The following LDHAL6A variants were observed in gnomAD, a reference collection of about 807,000 sequenced individuals.
LDHAL6A encodes lactate dehydrogenase A like 6A.
In LDHAL6A, 19 loss-of-function variants were observed where a neutral mutation model predicts 28.2. The observed-to-expected ratio is 0.67, with a 90% CI of 0.47 to 0.99. LDHAL6A has a LOEUF of 0.99. Ranked by LOEUF, LDHAL6A falls within the 50% of genes least tolerant of loss-of-function variation. LDHAL6A has a pLI of 0.00. For synonymous variants in LDHAL6A, 144 were observed against 134.4 expected (o/e 1.07, Z -0.49); for missense variants, 372 against 398.6 (o/e 0.93, Z 0.57).
intron 1 of LDHAL6A, among the ~76,000 whole-genome samples, chr11:18,457,594 C>T (rs1848790886): frequency 1.3e-5 from 2 of 152,166 alleles, no homozygotes; most frequent in Admixed American, 1.3e-4. Flanking sequence ...GCTGCTCCTG[C>T]CAGCCATACA....
chr11:18,467,956 CGT>C (rs1491306742), intron 3 of LDHAL6A, among the ~76,000 whole-genome samples: 665 of 18,994 alleles, frequency 0.035, 48 homozygotes, highest in East Asian at 0.2. Flanking sequence ...TATATATATA[CGT>C]ATATATATAC....
intron 1 of LDHAL6A, among the ~76,000 whole-genome samples, chr11:18,458,601 C>T (rs181139371): frequency 6.6e-6 from 1 of 152,290 alleles, no homozygotes; most frequent in African/African-American, 2.4e-5. Flanking sequence ...CAACTTCTGT[C>T]ATTCAAGGAG....
At chr11:18,467,977 AT>A (rs1849142102) in intron 3 of LDHAL6A, among the ~76,000 whole-genome samples, 1 of 44,114 alleles carries the variant, frequency 2.3e-5, no homozygotes. Flanking sequence ...ACGTATATAT[AT>A]ACGTATATAT....
intron 1 of LDHAL6A, among the ~76,000 whole-genome samples, chr11:18,457,465 A>G (rs928772161): frequency 6.6e-5 from 10 of 151,908 alleles, no homozygotes; most frequent in Non-Finnish European, 1.5e-4. Flanking sequence ...TGTTTTAGCC[A>G]TCTTTTATAT....
At chr11:18,464,264 C>CG (rs1554966959) in intron 2 of LDHAL6A, among the ~76,000 whole-genome samples, 186 bp downstream of exon 2, 1 of 152,156 alleles carries the variant, frequency 6.6e-6, no homozygotes. Context: ...CGGCACCAGA[C>CG]TGAGTTCCTT....
In LDHAL6A at chr11:18,475,583, G is replaced by T; in HGVS notation, c.536G>T (p.Gly179Val). The T allele has an allele frequency of 6.2e-7, 1 of 1,614,156 alleles. No individual in the cohort carries two copies. Among genetic ancestry groups the T allele is most frequent in the Non-Finnish European group, 8.5e-7 (1 of 1,180,032 alleles). ...CGTTACTTTATTGGGCAAAGGCTTG[G>T]CATCCACTCTGAAAGCTGTCATGGG... ...RFRYFIGQRL[G>V]IHSESCHGLI... The change falls in exon 4 of 7, where the codon GGC becomes GTC. Residue 179 changes from glycine (G) to valine (V), a missense_variant. Gly to Val is a moderately radical substitution (Grantham distance 109, BLOSUM62 -3). Transcript: ENST00000280706.
chr11:18,462,360 G>A (rs534504851), intron 1 of LDHAL6A, among the ~76,000 whole-genome samples: 5 of 152,072 alleles, frequency 3.3e-5, no homozygotes, highest in South Asian at 4.2e-4. Context: ...AAAATTGGCC[G>A]GGTGCGGTGT....
intron 1 of LDHAL6A, among the ~76,000 whole-genome samples, chr11:18,462,593 C>T (rs1479098198): frequency 8.2e-5 from 12 of 146,530 alleles, no homozygotes; most frequent in East Asian, 3.9e-4. Context: ...GCCGAGATCA[C>T]GCCACTGCAC....
intron 3 of LDHAL6A, among the ~76,000 whole-genome samples, chr11:18,474,593 G>A (rs1849327462): frequency 6.6e-6 from 1 of 151,870 alleles, no homozygotes; most frequent in African/African-American, 2.4e-5. Context: ...CAGCATGTTG[G>A]CCAGGATGGT....
At chr11:18,463,348 C>CCAAA (rs1848974428) in intron 1 of LDHAL6A, among the ~76,000 whole-genome samples, 1 of 152,148 alleles carries the variant, frequency 6.6e-6, no homozygotes, top group Admixed American at 6.6e-5. Context: ...CCTGTGCTGC[C>CCAAA]TTGGGACTCT....
intron 1 of LDHAL6A, among the ~76,000 whole-genome samples, chr11:18,462,788 G>A (rs561531328): frequency 4.7e-4 from 70 of 149,512 alleles, no homozygotes; most frequent in African/African-American, 1.6e-3. Flanking sequence ...AGCCGAGATT[G>A]CACCACTGCA....
intron 2 of LDHAL6A, among the ~76,000 whole-genome samples, chr11:18,464,726 A>G (rs1057356798): frequency 6.6e-6 from 1 of 152,002 alleles, no homozygotes; most frequent in Non-Finnish European, 1.5e-5. Flanking sequence ...AAAAAAAAAA[A>G]AAAAAGTGAT....
rs182008411 is a variant in LDHAL6A, at chr11:18,474,097, T to G, written c.419-1369T>G. Among the ~76,000 whole-genome samples the G allele has an allele frequency of 1.6e-3, 237 of 152,164 alleles. 1 individual carries two copies. Among genetic ancestry groups the G allele is most frequent in the African/African-American group, 5.1e-3 (210 of 41,560 alleles). Reference sequence around the variant, plus strand: ...TTTCTTTCTCATTTTCTTTTCTTTTTGAGACGGAGTCTTGCTCTGTCGCCC... The same window carrying G: ...TTTCTTTCTCATTTTCTTTTCTTTTGGAGACGGAGTCTTGCTCTGTCGCCC... On this transcript the variant is annotated intron_variant, in intron 3 of 6. Transcript: ENST00000280706.
rs1402866957 is a variant in LDHAL6A, at chr11:18,468,003, G to A, written c.418+2193G>A. 6.3e-4 allele frequency among the ~76,000 whole-genome samples: 39 copies of A among 61,586 alleles called. 1 individual carries two copies. The highest frequency in any genetic ancestry group is 5.7e-3 in the East Asian group (8 of 1,394). The allele number at this position is 61,586 out of a possible 152,430, so 40.4% of individuals were successfully genotyped here. On this transcript the variant is annotated intron_variant, in intron 3 of 6. Coordinates refer to ENST00000280706, the MANE Select transcript of LDHAL6A (RefSeq NM_144972.5). ...TACGTATATATATGCATATATATACGTATATATATACATATATATACGTAT... is the reference window on the plus strand; with the variant it reads ...TACGTATATATATGCATATATATACATATATATATACATATATATACGTAT...
rs1849465925 is a variant in LDHAL6A, at chr11:18,478,937, T to G, written c.*67T>G. Reference sequence around the variant, plus strand: ...AGTTATGGAATTGTATATGTCAAACTTTTGAATAAATTTGAATTTCTAAAA... The same window carrying G: ...AGTTATGGAATTGTATATGTCAAACGTTTGAATAAATTTGAATTTCTAAAA... On this transcript the variant is annotated 3_prime_UTR_variant, in exon 7 of 7. Transcript: ENST00000280706. The G allele has an allele frequency of 7.6e-7, 1 of 1,321,842 alleles. No homozygotes were observed. The highest frequency in any genetic ancestry group is 1.4e-5 in the South Asian group (1 of 73,944). The allele number at this position is 1,321,842 out of a possible 1,614,324, so 81.9% of individuals were successfully genotyped here. A position where few individuals can be genotyped will look rare whatever the true frequency, so the allele number is the denominator to read the frequency against.
chr11:18,460,623 G>A (rs114480267), intron 1 of LDHAL6A, among the ~76,000 whole-genome samples: 14,225 of 150,950 alleles, frequency 0.094, 764 homozygotes, highest in Admixed American at 0.14. Flanking sequence ...TGCCAGGTGC[G>A]GTGGTACATG....
At chr11:18,478,138 T>C (rs181979981) in intron 6 of LDHAL6A, among the ~76,000 whole-genome samples, 4 of 152,110 alleles carry the variant, frequency 2.6e-5, no homozygotes, top group Non-Finnish European at 5.9e-5. Flanking sequence ...AATTAGCAGT[T>C]AGTCTCCTGG....
At chr11:18,466,049 C>G (rs770177687) in intron 3 of LDHAL6A, among the ~76,000 whole-genome samples, 4 of 152,148 alleles carry the variant, frequency 2.6e-5, no homozygotes, top group Non-Finnish European at 5.9e-5. Flanking sequence ...ATGTTTAGCT[C>G]CCACTTATAG....
chr11:18,467,335 T>G (rs947160560), intron 3 of LDHAL6A, among the ~76,000 whole-genome samples: 1 of 152,230 alleles, frequency 6.6e-6, no homozygotes, highest in Non-Finnish European at 1.5e-5. Context: ...GTCCAGCTTC[T>G]GTCCCTGTGC....
Sources: gnomAD v4.1 joint callset for allele counts (sites outside exome capture counted in the v4.1 genomes callset) on GRCh38, gnomAD v4.1.1 for gene constraint, MANE v1.5 for transcripts, NCBI Gene and HGNC (gene_info 2026-07-23, HGNC 2026-07-21) for gene names.